Variants in THSD7B observed in about 807,000 individuals in gnomAD.
The protein encoded by THSD7B is thrombospondin type-1 domain-containing protein 7B.
Under a neutral mutation model 213.6 loss-of-function variants are expected in THSD7B, and 138 were observed. The ratio of observed to expected loss-of-function variants is 0.65; its 90% CI spans 0.56 to 0.74. THSD7B has a LOEUF of 0.74. Among genes scored for constraint, THSD7B ranks in the 30% least tolerant of loss-of-function variants. The pLI, the probability that THSD7B is intolerant of heterozygous loss-of-function variation, is 0.00. For missense variants in THSD7B, 1,931 were observed against 1,991.5 expected, an observed-to-expected ratio of 0.97 and a Z score of 0.58; for synonymous variants, 742 against 687.0, an observed-to-expected ratio of 1.08 and a Z score of -1.25.
intron 10 of THSD7B, among the ~76,000 whole-genome samples, chr2:137,258,411 C>A (rs1332493019): frequency 6.6e-6 from 1 of 152,066 alleles, no homozygotes; most frequent in East Asian, 1.9e-4. Context: ...TCCAGCCACA[C>A]CTGTGCTGTT....
intron 1 of THSD7B, among the ~76,000 whole-genome samples, chr2:136,855,078 T>G (rs1346865043): frequency 6.6e-5 from 10 of 152,240 alleles, no homozygotes; most frequent in Non-Finnish European, 1.5e-5. Flanking sequence ...TTCTGCCTGT[T>G]TCCAGTCATG....
At chr2:137,015,875 C>T (rs1380370962) in intron 2 of THSD7B, among the ~76,000 whole-genome samples, 1 of 152,278 alleles carries the variant, frequency 6.6e-6, no homozygotes, top group African/African-American at 2.4e-5. Flanking sequence ...GCACACAGAG[C>T]TCAGTTCCCC....
chr2:137,297,292 A>G (rs961009148), intron 12 of THSD7B, among the ~76,000 whole-genome samples: 11 of 151,216 alleles, frequency 7.3e-5, no homozygotes, highest in African/African-American at 2.7e-4. Context: ...CCTAAAAAAA[A>G]GAAAGAAAAG....
chr2:137,251,107 T>A (rs1409648750), intron 10 of THSD7B, among the ~76,000 whole-genome samples: 2 of 152,144 alleles, frequency 1.3e-5, no homozygotes, highest in Non-Finnish European at 2.9e-5. Flanking sequence ...ACTTAGTAAA[T>A]CCATGTCAAA....
intron 15 of THSD7B, among the ~76,000 whole-genome samples, chr2:137,525,717 G>A (rs1268514931): frequency 6.6e-6 from 1 of 152,162 alleles, no homozygotes; most frequent in Non-Finnish European, 1.5e-5. Context: ...GTCAGAAAGT[G>A]TAGCAATGAA....
intron 22 of THSD7B, among the ~76,000 whole-genome samples, chr2:137,656,304 A>G (rs1302679175): frequency 2.0e-5 from 3 of 152,108 alleles, no homozygotes; most frequent in African/African-American, 7.2e-5. Flanking sequence ...ATATAAAGAT[A>G]CATTTATACA....
At chr2:136,855,605 A>G (rs866113347) in intron 1 of THSD7B, among the ~76,000 whole-genome samples, 1 of 115,870 alleles carries the variant, frequency 8.6e-6, no homozygotes, top group Non-Finnish European at 1.9e-5. Flanking sequence ...TTTATTTATT[A>G]TTTATTTATT....
rs191001866 is a variant in THSD7B, at chr2:137,136,216, T to C, written c.1369+20923T>C. On this transcript the variant is annotated intron_variant, in intron 5 of 27. Coordinates refer to ENST00000409968, the MANE Select transcript of THSD7B (RefSeq NM_001316349.2). ...TTCATGTAGGTGACAGGTTGATGGG[T>C]GGAGCAAAACCACCAAGGCACATGT... 4.1e-3 allele frequency among the ~76,000 whole-genome samples: 627 copies of C among 152,110 alleles called. 3 individuals are homozygous for C. The highest frequency in any genetic ancestry group is 0.014 in the African/African-American group (601 of 41,500).
chr2:137,451,370 A>G (rs1296623439), intron 15 of THSD7B, among the ~76,000 whole-genome samples: 1 of 151,700 alleles, frequency 6.6e-6, no homozygotes, highest in Non-Finnish European at 1.5e-5. Flanking sequence ...ATATTTAAAT[A>G]TAAGTAATAA....
At chr2:137,652,466 T>A (rs1683159393) in intron 21 of THSD7B, among the ~76,000 whole-genome samples, 1 of 152,056 alleles carries the variant, frequency 6.6e-6, no homozygotes, top group Admixed American at 6.6e-5. Flanking sequence ...GTAAGGTGAG[T>A]TTCTTGTAGA....
chr2:136,830,398 G>T (rs1180243931), intron 1 of THSD7B, among the ~76,000 whole-genome samples: 1 of 67,136 alleles, frequency 1.5e-5, no homozygotes, highest in Non-Finnish European at 3.0e-5. Flanking sequence ...AATAAGTTAG[G>T]CCCCCAGTGA....
intron 2 of THSD7B, among the ~76,000 whole-genome samples, chr2:137,051,478 A>G (rs1162185110): frequency 6.6e-6 from 1 of 152,212 alleles, no homozygotes; most frequent in Admixed American, 6.5e-5. Context: ...TTGAGAAGTA[A>G]AAGTCACTAC....
chr2:136,824,553 C>T (rs1682612461), intron 1 of THSD7B, among the ~76,000 whole-genome samples: 1 of 152,092 alleles, frequency 6.6e-6, no homozygotes, highest in Non-Finnish European at 1.5e-5. Context: ...CAAATATAAT[C>T]AGTGTTTGAC....
At chr2:137,662,591 T>G (rs907229724) in intron 25 of THSD7B, among the ~76,000 whole-genome samples, 2 of 152,110 alleles carry the variant, frequency 1.3e-5, no homozygotes, top group Admixed American at 6.6e-5. Flanking sequence ...ATGGAGGGAT[T>G]TCGCGGCTGT....
At chr2:137,002,916 T>C (rs1176795450) in intron 2 of THSD7B, among the ~76,000 whole-genome samples, 1 of 152,152 alleles carries the variant, frequency 6.6e-6, no homozygotes, top group Non-Finnish European at 1.5e-5. Context: ...ATGAGATAAA[T>C]TGATGGGAAG....
intron 15 of THSD7B, among the ~76,000 whole-genome samples, chr2:137,530,135 A>G (rs1250171257): frequency 1.3e-5 from 2 of 152,044 alleles, no homozygotes; most frequent in Non-Finnish European, 2.9e-5. Flanking sequence ...AGCTATTGAG[A>G]TGTGCGTGCC....
intron 14 of THSD7B, among the ~76,000 whole-genome samples, chr2:137,442,326 A>T (rs527485041): frequency 1.8e-4 from 27 of 152,224 alleles, no homozygotes; most frequent in Non-Finnish European, 3.2e-4. Flanking sequence ...ATATTCGCAA[A>T]ATATTCTAAA....
At chr2:136,913,807 A>G (rs1684307244) in intron 2 of THSD7B, among the ~76,000 whole-genome samples, 1 of 152,246 alleles carries the variant, frequency 6.6e-6, no homozygotes, top group South Asian at 2.1e-4. Context: ...TGCCCAGGCA[A>G]ATTTTGCTGC....
At chr2:137,624,452 G>C (rs1682583898) in intron 20 of THSD7B, among the ~76,000 whole-genome samples, 1 of 152,120 alleles carries the variant, frequency 6.6e-6, no homozygotes. Flanking sequence ...CAAAAACAAT[G>C]GCAACAAAAG....
Sources: allele counts gnomAD v4.1 joint callset (sites outside exome capture counted in the v4.1 genomes callset), GRCh38; gene constraint gnomAD v4.1.1; transcripts MANE v1.5; gene names NCBI Gene and HGNC (gene_info 2026-07-23, HGNC 2026-07-21).